The following ZFHX3 variants were observed in gnomAD, a reference collection of about 807,000 sequenced individuals.
ZFHX3 encodes zinc finger homeobox protein 3.
ZFHX3 carries 42 observed loss-of-function variants against 279.1 expected under a neutral mutation model. The ratio of observed to expected loss-of-function variants is 0.15; its 90% CI spans 0.12 to 0.19. The LOEUF (loss-of-function observed/expected upper bound fraction) is 0.19, where lower values mean the gene tolerates loss of function less well. Ranked by LOEUF, ZFHX3 falls within the 10% of genes least tolerant of loss-of-function variation. ZFHX3 has a pLI of 1.00. For synonymous variants in ZFHX3, 2,293 were observed against 1,957.8 expected (o/e 1.17, Z -4.52); for missense variants, 4,981 against 4,754.0 (o/e 1.05, Z -1.40).
chr16:73,539,782 T>A (rs1034764078), intron 2 of ZFHX3, among the ~76,000 whole-genome samples: 1 of 152,046 alleles, frequency 6.6e-6, no homozygotes, highest in African/African-American at 2.4e-5. Flanking sequence ...CTGGTCTGGG[T>A]TTTCTTACAC....
At chr16:73,218,950 A>T (rs1278650973) in intron 5 of ZFHX3, among the ~76,000 whole-genome samples, 1 of 151,958 alleles carries the variant, frequency 6.6e-6, no homozygotes, top group African/African-American at 2.4e-5. Context: ...TCATTCTCCC[A>T]TTTCCTCTTC....
upstream of ZFHX3, chr16:73,061,874 T>G (rs1009550560): frequency 6.6e-6 from 1 of 152,206 alleles, no homozygotes; most frequent in African/African-American, 2.4e-5. Flanking sequence ...AGTCAGTATT[T>G]CCTTTAGTAT....
chr16:72,886,391 G>A (rs1296574050), intron 4 of ZFHX3, among the ~76,000 whole-genome samples: 3 of 152,030 alleles, frequency 2.0e-5, no homozygotes, highest in East Asian at 1.9e-4. Context: ...CACACTTCTC[G>A]GGGGAAAAAC....
intron 1 of ZFHX3, among the ~76,000 whole-genome samples, chr16:73,735,366 G>T (rs553351666): frequency 7.3e-6 from 1 of 136,900 alleles, no homozygotes; most frequent in African/African-American, 2.8e-5. Flanking sequence ...AATAAAGCAA[G>T]TTCCATGTGT....
chr16:73,475,403 G>A lies in ZFHX3; in HGVS notation c.-1546-19145C>T, dbSNP rs187143874. Among the ~76,000 whole-genome samples, 745 of 152,064 alleles carry A rather than the reference G, an allele frequency of 4.9e-3. 3 individuals carry two copies. The highest frequency in any genetic ancestry group is 0.021 in the Middle Eastern group (6 of 286). On this transcript the variant is annotated intron_variant, in intron 2 of 17. Coordinates refer to the ZFHX3 transcript ENST00000641206. ...TCTTATTTGAATGCTAAACAATACC[G>A]TTAGCAGAACAATACTGTTTAGCAT...
chr16:73,459,374 T>C lies in ZFHX3; in HGVS notation c.-1546-3116A>G, dbSNP rs571075525. Among the ~76,000 whole-genome samples, 381 of 152,316 alleles carry C rather than the reference T, an allele frequency of 2.5e-3. 1 individual carries two copies. The highest frequency in any genetic ancestry group is 8.9e-3 in the African/African-American group (371 of 41,584). ...TTGTCTTTTTGTTGTTGTTTTTTTT[T>C]CTGAGATGGATGGAGTCTCATTATG... On this transcript the variant is annotated intron_variant, in intron 2 of 17. Transcript: ENST00000641206.
At chr16:73,623,897 A>G (rs2052392127) in intron 2 of ZFHX3, among the ~76,000 whole-genome samples, 1 of 152,194 alleles carries the variant, frequency 6.6e-6, no homozygotes. Flanking sequence ...ATATTAATGA[A>G]CCAATCATGT....
Position 73,116,043 on chromosome 16 carries a change from C to G in ZFHX3, c.-897+14925G>C, listed in dbSNP as rs967362142. ...GCTGAGGCAGGGGAATCACTTGAAC[C>G]CAGGAGGCGGAGGTTGCGGTGAGCA... On this transcript the variant is annotated intron_variant, in intron 7 of 17. Coordinates refer to the ZFHX3 transcript ENST00000641206. Among the ~76,000 whole-genome samples, 9 of 152,080 alleles carry G rather than the reference C, an allele frequency of 5.9e-5. No homozygotes were observed. The East Asian group carries it at 1.7e-3, about 29-fold the overall frequency.
chr16:73,001,028 T>C (rs939630009), intron 1 of ZFHX3, among the ~76,000 whole-genome samples: 3 of 152,164 alleles, frequency 2.0e-5, no homozygotes, highest in Non-Finnish European at 4.4e-5. Context: ...TCCCCTCCCC[T>C]TGGGAGTGAG....
At chr16:72,876,406 T>C (rs181471786) in intron 4 of ZFHX3, among the ~76,000 whole-genome samples, 103 of 152,198 alleles carry the variant, frequency 6.8e-4, no homozygotes, top group Non-Finnish European at 1.4e-3. Context: ...GACAGGAAGC[T>C]TGCAAGATGC....
At chr16:73,430,061 A>AT (rs1239295835) in intron 3 of ZFHX3, among the ~76,000 whole-genome samples, 2 of 151,266 alleles carry the variant, frequency 1.3e-5, no homozygotes, top group Non-Finnish European at 3.0e-5. Context: ...AATTAAAAAA[A>AT]TTTTTTTTTG....
chr16:72,862,395 T>G (rs1355720442), intron 4 of ZFHX3, among the ~76,000 whole-genome samples: 2 of 152,224 alleles, frequency 1.3e-5, no homozygotes, highest in Non-Finnish European at 2.9e-5. Flanking sequence ...CCTTAAAGAT[T>G]TAGCATTTAA....
chr16:73,178,758 G>T (rs1056564750), intron 5 of ZFHX3, among the ~76,000 whole-genome samples: 24 of 152,140 alleles, frequency 1.6e-4, no homozygotes, highest in African/African-American at 5.6e-4. Context: ...AAATAGCTGG[G>T]ATTACAGGCA....
intron 3 of ZFHX3, among the ~76,000 whole-genome samples, chr16:73,383,050 T>C (rs1263273428): frequency 3.3e-5 from 5 of 152,186 alleles, no homozygotes; most frequent in Non-Finnish European, 7.3e-5. Context: ...ACACAGGAGA[T>C]GACAGAGCAC....
intron 3 of ZFHX3, among the ~76,000 whole-genome samples, chr16:72,927,606 G>A (rs781083508): frequency 3.3e-5 from 5 of 152,156 alleles, no homozygotes; most frequent in Non-Finnish European, 5.9e-5. Flanking sequence ...CCAGCGGCCC[G>A]CGAGGGGCTG....
At chr16:73,016,387 TA>T (rs993333107) in intron 1 of ZFHX3, among the ~76,000 whole-genome samples, 8 of 148,570 alleles carry the variant, frequency 5.4e-5, no homozygotes, top group African/African-American at 1.7e-4. Flanking sequence ...TGAAGTGGTT[TA>T]AAAAAAAAAC....
intron 2 of ZFHX3, among the ~76,000 whole-genome samples, chr16:73,674,813 C>T (rs2052938237): frequency 6.6e-6 from 1 of 152,090 alleles, no homozygotes; most frequent in East Asian, 1.9e-4. Context: ...GTGCAGGAGG[C>T]TATCAGGAAA....
intron 2 of ZFHX3, among the ~76,000 whole-genome samples, chr16:73,562,412 G>T (rs953931115): frequency 6.6e-6 from 1 of 151,986 alleles, no homozygotes; most frequent in African/African-American, 2.4e-5. Flanking sequence ...TGGCTAACAC[G>T]GTGAAACCCT....
At chr16:73,506,232 A>G (rs569270782) in intron 2 of ZFHX3, among the ~76,000 whole-genome samples, 92 of 152,308 alleles carry the variant, frequency 6.0e-4, no homozygotes, top group African/African-American at 2.2e-3. Context: ...AAGTTTATCT[A>G]TCTTTCCAGG....
Sources: allele counts gnomAD v4.1 joint callset (sites outside exome capture counted in the v4.1 genomes callset), GRCh38; gene constraint gnomAD v4.1.1; transcripts MANE v1.5; gene names NCBI Gene and HGNC (gene_info 2026-07-23, HGNC 2026-07-21).